The following DNAH7 variants were observed in gnomAD, a reference collection of about 807,000 sequenced individuals.
DNAH7 encodes axonemal beta dynein heavy chain 7.
DNAH7 carries 397 observed loss-of-function variants against 444.6 expected under a neutral mutation model. The observed-to-expected ratio is 0.89, with a 90% CI of 0.82 to 0.97. DNAH7 has a LOEUF of 0.97. Among genes scored for constraint, DNAH7 ranks in the 50% least tolerant of loss-of-function variants. DNAH7 has a pLI of 0.00. For synonymous variants in DNAH7, 1,636 were observed against 1,624.4 expected, an observed-to-expected ratio of 1.01 and a Z score of -0.17; for missense variants, 4,902 against 4,800.8, an observed-to-expected ratio of 1.02 and a Z score of -0.62.
At chr2:195,912,579 G>A (rs566808304) in intron 24 of DNAH7, among the ~76,000 whole-genome samples, 12 of 152,282 alleles carry the variant, frequency 7.9e-5, no homozygotes, top group Non-Finnish European at 1.0e-4. Flanking sequence ...AGCCACCTGC[G>A]GCCAGCCCGA....
At chr2:195,787,347 A>C (rs777327002) in intron 57 of DNAH7, among the ~76,000 whole-genome samples, 176 bp from the exon 58 acceptor site, 73 of 152,178 alleles carry the variant, frequency 4.8e-4, no homozygotes, top group Non-Finnish European at 7.2e-4. Flanking sequence ...CAAGCAAAGT[A>C]TGTCCGTCTG....
Position 195,897,645 on chromosome 2 carries a change from T to C in DNAH7, c.4647+22A>G, listed in dbSNP as rs371950065. 1.9e-5 allele frequency: 26 copies of C among 1,373,176 alleles called. No homozygotes were observed. In the African/African-American group the frequency reaches 2.6e-4, roughly 14 times the overall value. The allele number at this position is 1,373,176 out of a possible 1,614,324, so 85.1% of individuals were successfully genotyped here. A position where few individuals can be genotyped will look rare whatever the true frequency, so the allele number is the denominator to read the frequency against. ...ACATTATTATAAGAGTTTTGATGCA[T>C]TGGGATAATGAATGTTCTTACCTCA... On this transcript the variant is annotated intron_variant, in intron 29 of 64. Transcript: ENST00000312428.
chr2:196,012,039 C>T (rs1337076626), intron 10 of DNAH7, among the ~76,000 whole-genome samples: 1 of 152,064 alleles, frequency 6.6e-6, no homozygotes, highest in Non-Finnish European at 1.5e-5. Flanking sequence ...TATTCTAACA[C>T]ATTGGAGAAG....
chr2:195,964,847 A>C (rs1691362769), intron 17 of DNAH7, among the ~76,000 whole-genome samples: 1 of 151,262 alleles, frequency 6.6e-6, no homozygotes, highest in South Asian at 2.1e-4. Context: ...CTTGCACTCC[A>C]GCCTGGGTGA....
At chr2:195,958,496 G>GT (rs1690851381) in intron 18 of DNAH7, among the ~76,000 whole-genome samples, 2 of 152,100 alleles carry the variant, frequency 1.3e-5, no homozygotes, top group Admixed American at 1.3e-4. Flanking sequence ...TTTCAACTGT[G>GT]TGGGGGGTCA....
intron 12 of DNAH7, among the ~76,000 whole-genome samples, chr2:195,992,962 G>T (rs1693447468): frequency 6.6e-6 from 1 of 152,202 alleles, no homozygotes; most frequent in African/African-American, 2.4e-5. Context: ...CACAGTGGGA[G>T]CCCCCTGTTC....
intron 10 of DNAH7, among the ~76,000 whole-genome samples, chr2:196,005,342 A>G (rs893190496): frequency 4.6e-5 from 7 of 151,834 alleles, no homozygotes; most frequent in Non-Finnish European, 8.8e-5. Flanking sequence ...TCAAAACAAG[A>G]AGGAGAAGGG....
chr2:195,940,609 C>T (rs547619931), intron 19 of DNAH7, among the ~76,000 whole-genome samples: 6 of 151,610 alleles, frequency 4.0e-5, no homozygotes, highest in Non-Finnish European at 8.8e-5. Context: ...AATGGGAGAA[C>T]ATTTTTGCAA....
At position 195,823,369 on chromosome 2, in the gene DNAH7, G is replaced by A. The variant is rs115788004; in HGVS notation, c.9291+886C>T. ...TGTGTCTTCCTAGTCACACAATTCG[G>A]TCACTTTGCATACACATTATTTATA... On this transcript the variant is annotated intron_variant, in intron 49 of 64. Coordinates refer to ENST00000312428, the MANE Select transcript of DNAH7 (RefSeq NM_018897.3). Among the ~76,000 whole-genome samples the A allele has an allele frequency of 6.4e-3, 978 of 152,202 alleles. 5 individuals carry two copies. Among genetic ancestry groups the A allele is most frequent in the Non-Finnish European group, 0.011 (721 of 68,012 alleles).
rs773510488 is a variant in DNAH7 at position 196,047,366 on chromosome 2, A to C, written c.384T>G (p.Leu128=). ...HKERENFRST[L]VNVIMQQDAD... Reference sequence around the variant, plus strand: ...ATACAACTTACATAATGACATTAACAAGAGTACTTCTAAAGTTTTCTCGTT... The same window carrying C: ...ATACAACTTACATAATGACATTAACCAGAGTACTTCTAAAGTTTTCTCGTT... The change falls in exon 5 of 65, where the codon CTT becomes CTG. Residue 128 remains leucine, a synonymous_variant. Transcript: ENST00000312428. 1 of 1,595,788 alleles carries C rather than the reference A, an allele frequency of 6.3e-7. No individual in the cohort carries two copies. Among genetic ancestry groups the C allele is most frequent in the East Asian group, 2.2e-5 (1 of 44,464 alleles).
chr2:195,917,095 C>CCAGCCTGGG (rs1251978321), intron 24 of DNAH7, among the ~76,000 whole-genome samples: 2 of 133,298 alleles, frequency 1.5e-5, no homozygotes, highest in African/African-American at 3.0e-5. Flanking sequence ...GAGTGAGACT[C>CCAGCCTGGG]CACCTCAAAA....
chr2:195,771,019 C>G (rs1694810373), intron 61 of DNAH7, among the ~76,000 whole-genome samples: 1 of 151,946 alleles, frequency 6.6e-6, no homozygotes, highest in Admixed American at 6.6e-5. Flanking sequence ...GTTTGCCTCC[C>G]TCACTAAAAT....
intron 46 of DNAH7, among the ~76,000 whole-genome samples, chr2:195,850,555 T>C (rs1290796308): frequency 6.6e-6 from 1 of 152,214 alleles, no homozygotes; most frequent in Non-Finnish European, 1.5e-5. Flanking sequence ...TTTTCCTATG[T>C]TTTATTTATG....
At chr2:195,814,550 TA>T (rs1281204030) in intron 51 of DNAH7, among the ~76,000 whole-genome samples, 1 of 152,172 alleles carries the variant, frequency 6.6e-6, no homozygotes, top group African/African-American at 2.4e-5. Flanking sequence ...AAAATGTCTT[TA>T]AATGGCAGAC....
chr2:195,765,458 A>T (rs943920431), intron 61 of DNAH7, among the ~76,000 whole-genome samples: 5 of 152,206 alleles, frequency 3.3e-5, no homozygotes, highest in Non-Finnish European at 7.3e-5. Context: ...AATGGGAGAA[A>T]ATATTTGCAA....
At chr2:196,048,686 T>C (rs1697282118) in intron 3 of DNAH7, among the ~76,000 whole-genome samples, 1 of 152,216 alleles carries the variant, frequency 6.6e-6, no homozygotes, top group East Asian at 1.9e-4. Flanking sequence ...CCAGATATTG[T>C]CAAGTGTCTT....
intron 1 of DNAH7, among the ~76,000 whole-genome samples, chr2:196,066,693 C>A (rs1216646871): frequency 6.6e-6 from 1 of 152,172 alleles, no homozygotes; most frequent in Admixed American, 6.5e-5. Context: ...GACTGCTATT[C>A]CTGAAAAATT....
At chr2:195,741,633 A>T (rs1197437879) in intron 63 of DNAH7, among the ~76,000 whole-genome samples, 1 of 152,198 alleles carries the variant, frequency 6.6e-6, no homozygotes, top group Admixed American at 6.5e-5. Flanking sequence ...TAACTTCAAA[A>T]CCTGTTTTGT....
At chr2:195,948,650 T>G (rs375361234) in intron 19 of DNAH7, among the ~76,000 whole-genome samples, 3 of 152,230 alleles carry the variant, frequency 2.0e-5, no homozygotes. Context: ...CATTGGTCTA[T>G]ATCTCTGTTT....
Sources: gnomAD v4.1 joint callset for allele counts (sites outside exome capture counted in the v4.1 genomes callset) on GRCh38, gnomAD v4.1.1 for gene constraint, MANE v1.5 for transcripts, NCBI Gene and HGNC (gene_info 2026-07-23, HGNC 2026-07-21) for gene names.